The following HSH2D variants were observed in gnomAD, a reference collection of about 807,000 sequenced individuals.
The protein encoded by HSH2D is hematopoietic SH2 domain containing.
In HSH2D, 16 loss-of-function variants were observed where a neutral mutation model predicts 21.5. That is an observed-to-expected ratio of 0.74 (90% CI 0.50 to 1.13). The LOEUF is 1.13. HSH2D is among the 50% of genes most tolerant of loss of function. HSH2D has a pLI of 0.00. For synonymous variants in HSH2D, 172 were observed against 184.7 expected (o/e 0.93, Z 0.56); for missense variants, 418 against 441.4 (o/e 0.95, Z 0.47).
chr19:16,150,263 G>C (rs946584831), intron 2 of HSH2D, among the ~76,000 whole-genome samples: 27 of 152,168 alleles, frequency 1.8e-4, no homozygotes, highest in African/African-American at 6.3e-4. Context: ...TTTTAGGCTG[G>C]GTGCAGTGGC....
chr19:16,151,323 C>T (rs1040177281), intron 2 of HSH2D: 5 of 238,390 alleles, frequency 2.1e-5, no homozygotes, highest in African/African-American at 1.5e-4. Context: ...AAAACTCCAA[C>T]TCAAAAAAAA....
intron 4 of HSH2D, among the ~76,000 whole-genome samples, chr19:16,153,982 C>T (rs181784712): frequency 4.4e-4 from 65 of 148,896 alleles, no homozygotes; most frequent in African/African-American, 1.5e-3. Flanking sequence ...GCCTAGCTCC[C>T]AAGAAATTGT....
At chr19:16,141,389 T>C (rs2090998970), upstream of HSH2D, among the ~76,000 whole-genome samples, 1 of 152,320 alleles carries the variant, frequency 6.6e-6, no homozygotes, top group African/African-American at 2.4e-5. Context: ...GGGCCCTTTC[T>C]GCCTGAAAGG....
chr19:16,150,576 C>T (rs372525441), intron 2 of HSH2D, among the ~76,000 whole-genome samples: 11 of 151,978 alleles, frequency 7.2e-5, no homozygotes, highest in African/African-American at 2.7e-4. Flanking sequence ...GTGGCACGTG[C>T]CTGTAATCCC....
intron 1 of HSH2D, among the ~76,000 whole-genome samples, chr19:16,135,186 C>T (rs1311499622): frequency 2.0e-5 from 3 of 152,080 alleles, no homozygotes; most frequent in African/African-American, 4.8e-5. Flanking sequence ...GCAGGAGAAT[C>T]GCTTGAACCT....
upstream of HSH2D, among the ~76,000 whole-genome samples, chr19:16,142,348 A>C (rs2091007984): frequency 6.6e-6 from 1 of 152,150 alleles, no homozygotes; most frequent in Non-Finnish European, 1.5e-5. Context: ...CCTTCACGTC[A>C]GTTAGGTCAC....
intron 5 of HSH2D, among the ~76,000 whole-genome samples, chr19:16,155,446 A>G (rs1038612767): frequency 6.6e-6 from 1 of 151,996 alleles, no homozygotes; most frequent in African/African-American, 2.4e-5. Context: ...AAACAGAACA[A>G]AAAAAGCCAG....
chr19:16,149,885 T>G (rs1416109605), intron 2 of HSH2D, among the ~76,000 whole-genome samples: 2 of 152,084 alleles, frequency 1.3e-5, no homozygotes, highest in African/African-American at 4.8e-5. Context: ...CTGGCCCCAA[T>G]GTGCCCTTTC....
Position 16,157,397 on chromosome 19 carries a change from T to TA in HSH2D, c.667dup (p.Ser223LysfsTer79), listed in dbSNP as rs5827321. ...AGAGGCCAGAGGGTCCGGCAGCAGC[T>TA]AAAAAGCCACCTCGCCACTGTGAAC... On this transcript the variant is annotated frameshift_variant, in exon 6 of 6. Coordinates refer to ENST00000613986, the MANE Select transcript of HSH2D (RefSeq NM_001382417.1). LOFTEE classifies it low-confidence loss of function (END_TRUNC). The surrounding 1 kb of genome is among the most constrained non-coding windows in gnomAD (Gnocchi z 4.4). 52 of 1,613,584 alleles carry TA rather than the reference T, an allele frequency of 3.2e-5. No individual in the cohort carries two copies. In the East Asian group the frequency reaches 1.0e-3, roughly 33 times the overall value.
intron 2 of HSH2D, among the ~76,000 whole-genome samples, chr19:16,149,884 A>G (rs187162505): frequency 9.9e-4 from 150 of 152,212 alleles, no homozygotes; most frequent in Admixed American, 3.5e-3. Context: ...CCTGGCCCCA[A>G]TGTGCCCTTT....
rs1290629039 is a variant in HSH2D, at chr19:16,143,698, C to G, written c.-104C>G. 3 of 449,954 alleles carry G rather than the reference C, an allele frequency of 6.7e-6. No individual in the cohort carries two copies. Among genetic ancestry groups the G allele is most frequent in the Non-Finnish European group, 1.3e-5 (3 of 223,492 alleles). 27.9% of individuals were successfully genotyped at this position (449,954 alleles called of 1,614,324 possible). A position where few individuals can be genotyped will look rare whatever the true frequency, so the allele number is the denominator to read the frequency against. ...CAGCCCCGCCCCATTGACGTGCAGACCTTGAATCGAAACCCAGGCTCCTGC... is the reference window on the plus strand; with the variant it reads ...CAGCCCCGCCCCATTGACGTGCAGAGCTTGAATCGAAACCCAGGCTCCTGC... On this transcript the variant is annotated 5_prime_UTR_variant, in exon 1 of 6. Coordinates refer to ENST00000613986, the MANE Select transcript of HSH2D (RefSeq NM_001382417.1).
chr19:16,145,024 T>G (rs78993140), intron 1 of HSH2D, among the ~76,000 whole-genome samples: 1 of 112,540 alleles, frequency 8.9e-6, no homozygotes, highest in Non-Finnish European at 1.6e-5. Flanking sequence ...TGGTGATGGG[T>G]TTTTTTTTTG....
At chr19:16,137,008 GCTT>G (rs2090968427) in intron 1 of HSH2D, among the ~76,000 whole-genome samples, 1 of 152,070 alleles carries the variant, frequency 6.6e-6, no homozygotes, top group Non-Finnish European at 1.5e-5. Context: ...TGCCTATTAA[GCTT>G]CTCTTAACCT....
In HSH2D at chr19:16,153,185, C is replaced by G; in HGVS notation, c.358C>G (p.Leu120Val). 1 of 1,556,544 alleles carries G rather than the reference C, an allele frequency of 6.4e-7. No individual in the cohort carries two copies. Among genetic ancestry groups the G allele is most frequent in the Non-Finnish European group, 8.7e-7 (1 of 1,152,192 alleles). Residue 120 changes from leucine to valine, a missense_variant, in exon 4 of 6, where the codon CTG becomes GTG. Leu to Val is a conservative substitution (Grantham distance 32). Transcript: ENST00000613986. ...QQKPIEPRRE[L>V]LTQPCRQKDP... Reference sequence around the variant, plus strand: ...GAAGCCAATTGAGCCGCGCAGGGAGCTGCTGACACAGCCCTGCAGGCAGGT... The same window carrying G: ...GAAGCCAATTGAGCCGCGCAGGGAGGTGCTGACACAGCCCTGCAGGCAGGT...
At chr19:16,137,408 A>C (rs762782374) in intron 1 of HSH2D, among the ~76,000 whole-genome samples, 121 of 152,106 alleles carry the variant, frequency 8.0e-4, no homozygotes, top group East Asian at 1.2e-3. Context: ...TGGGTGGATC[A>C]CTTGAGGTCA....
chr19:16,154,655 A>G (rs541999092), intron 5 of HSH2D, 164 bp downstream of exon 5: 71 of 529,212 alleles, frequency 1.3e-4, no homozygotes, highest in African/African-American at 1.2e-3. Context: ...TTAAAATTCA[A>G]ACTACAATCT....
chr19:16,156,753 C>T (rs1485891822), intron 5 of HSH2D, among the ~76,000 whole-genome samples: 1 of 152,028 alleles, frequency 6.6e-6, no homozygotes, highest in African/African-American at 2.4e-5. Flanking sequence ...TCTGGGAGGC[C>T]GAGGTGGGTG....
chr19:16,136,151 C>T (rs1447561897), intron 1 of HSH2D, among the ~76,000 whole-genome samples: 2 of 152,140 alleles, frequency 1.3e-5, no homozygotes, highest in Non-Finnish European at 1.5e-5. Context: ...CTTGAGCCTC[C>T]GAGCACGCAC....
intron 1 of HSH2D, among the ~76,000 whole-genome samples, chr19:16,134,499 A>C (rs2090946627): frequency 6.6e-6 from 1 of 152,112 alleles, no homozygotes; most frequent in South Asian, 2.1e-4. Flanking sequence ...CCTCAGATCT[A>C]TTCATTCTTT....
Sources: allele counts gnomAD v4.1 joint callset (sites outside exome capture counted in the v4.1 genomes callset), GRCh38; gene constraint gnomAD v4.1.1; non-coding constraint Gnocchi (gnomAD v3.1); transcripts MANE v1.5; gene names NCBI Gene and HGNC (gene_info 2026-07-23, HGNC 2026-07-21).